The following TMEM218 variants were observed in gnomAD, a reference collection of about 807,000 sequenced individuals.
The protein encoded by TMEM218 is transmembrane protein 218.
In TMEM218, 8 loss-of-function variants were observed where a neutral mutation model predicts 10.0. The observed-to-expected ratio is 0.80, with a 90% CI of 0.47 to 1.44. The LOEUF (loss-of-function observed/expected upper bound fraction) is 1.44, where lower values mean the gene tolerates loss of function less well. Among genes scored for constraint, TMEM218 ranks in the 40% most tolerant of loss-of-function variants. The pLI is 0.00. For missense variants in TMEM218, 110 were observed against 140.1 expected (o/e 0.79, Z 1.08); for synonymous variants, 66 against 63.5 (o/e 1.04, Z -0.18).
chr11:125,101,900 CAG>C (rs933606597), intron 3 of TMEM218: 10 of 536,890 alleles, frequency 1.9e-5, no homozygotes, highest in African/African-American at 3.9e-5. Flanking sequence ...GCAGTGAAAG[CAG>C]AGTTTCTTGC....
chr11:125,107,686 G>T (rs1467002758), intron 1 of TMEM218, among the ~76,000 whole-genome samples: 1 of 152,002 alleles, frequency 6.6e-6, no homozygotes, highest in Non-Finnish European at 1.5e-5. Flanking sequence ...AACAAGACTG[G>T]TCATGAGCTA....
At chr11:125,104,314 T>TG (rs1310196560) in intron 1 of TMEM218, 1 of 152,246 alleles carries the variant, frequency 6.6e-6, no homozygotes, top group African/African-American at 2.4e-5. Flanking sequence ...TCCCCATCTC[T>TG]GGGTCTTTGT....
chr11:125,097,737 C>A lies in TMEM218; in HGVS notation c.217G>T (p.Val73Leu), dbSNP rs1949856916. 1 of 1,613,244 alleles carries A rather than the reference C, an allele frequency of 6.2e-7. No individual in the cohort carries two copies. The highest frequency in any genetic ancestry group is 8.5e-7 in the Non-Finnish European group (1 of 1,179,654). ...FPAPEVEVKI[V>L]DDFFIGRYVL... is the part of the protein sequence containing the mutation. ...TAGCGGCCAATGAAAAAGTCATCCA[C>A]AATCTGGAGAAAGAAAACATCAAAA... The change falls in exon 5 of 5, where the codon GTG becomes TTG. Residue 73 changes from valine to leucine, a missense_variant. Transcript: ENST00000682305.
rs1486100306 is a variant in TMEM218 at position 125,094,429 on chromosome 11, A to G, written c.*3177T>C. Among the ~76,000 whole-genome samples, 3 of 152,240 alleles carry G rather than the reference A, an allele frequency of 2.0e-5. No homozygotes were observed. Among genetic ancestry groups the G allele is most frequent in the South Asian group, 4.1e-4 (2 of 4,832 alleles). On this transcript the variant is annotated 3_prime_UTR_variant, in exon 5 of 5. Transcript: ENST00000682305. ...TTTAATGAAACTTTTACCTTTTTGG[A>G]TATGTGTTAAGAAAATGTCAGGTAC...
At chr11:125,102,506 G>C (rs1951049132) in intron 2 of TMEM218, 189 bp from the exon 3 acceptor site, 1 of 1,452,326 alleles carries the variant, frequency 6.9e-7, no homozygotes, top group Admixed American at 2.5e-5. Context: ...GGACTGAGAG[G>C]GTGTTTTCCG....
At chr11:125,107,549 T>C (rs1018120024) in intron 1 of TMEM218, among the ~76,000 whole-genome samples, 6 of 152,110 alleles carry the variant, frequency 3.9e-5, no homozygotes, top group Non-Finnish European at 7.4e-5. Flanking sequence ...ATGATATTAT[T>C]ATATTGTTAA....
chr11:125,097,064 A>T lies in TMEM218; in HGVS notation c.*542T>A, dbSNP rs1949740089. On this transcript the variant is annotated 3_prime_UTR_variant, in exon 5 of 5. Coordinates refer to ENST00000682305, the MANE Select transcript of TMEM218 (RefSeq NM_001258244.2). ...ATTATTTATTGCTTTATTAGAGCAG[A>T]GGGAAGTGACACTCATTGCCTTCAC... 6.6e-6 allele frequency: 1 copy of T among 152,222 alleles called. No individual in the cohort carries two copies. Among genetic ancestry groups the T allele is most frequent in the Non-Finnish European group, 1.5e-5 (1 of 68,030 alleles). 9.4% of individuals were successfully genotyped at this position (152,222 alleles called of 1,614,324 possible). A position where few individuals can be genotyped will look rare whatever the true frequency, so the allele number is the denominator to read the frequency against.
In TMEM218 at chr11:125,102,646, G is replaced by A. The variant is rs61450147; in HGVS notation, c.-77+88C>T. On this transcript the variant is annotated intron_variant, in intron 2 of 4. Coordinates refer to ENST00000682305, the MANE Select transcript of TMEM218 (RefSeq NM_001258244.2). ...GAATATAAAACCCTACCTAAGAACT[G>A]GTAGAAGACACCAGGGCATGGGAAC... 0.015 allele frequency: 19,605 copies of A among 1,293,692 alleles called. 987 individuals are homozygous for A. The African/African-American group carries it at 0.16, about 10-fold the overall frequency. 80.1% of individuals were successfully genotyped at this position (1,293,692 alleles called of 1,614,324 possible).
chr11:125,101,928 A>G (rs2135768118), intron 3 of TMEM218: 1 of 617,018 alleles, frequency 1.6e-6, no homozygotes, highest in Non-Finnish European at 2.6e-6. Flanking sequence ...TTAGAACTCA[A>G]GAACACTACT....
chr11:125,095,414 A>G lies in TMEM218; in HGVS notation c.*2192T>C, dbSNP rs1286592251. On this transcript the variant is annotated 3_prime_UTR_variant, in exon 5 of 5. Transcript: ENST00000682305. ...CAGGGTACCATAACAGACATTGACT[A>G]TAGGGTTATCCCATGCCAAACTCTC... 6.6e-6 allele frequency among the ~76,000 whole-genome samples: 1 copy of G among 152,232 alleles called. No homozygotes were observed. Among genetic ancestry groups the G allele is most frequent in the East Asian group, 1.9e-4 (1 of 5,196 alleles).
intron 4 of TMEM218, among the ~76,000 whole-genome samples, chr11:125,099,412 C>A (rs551646479): frequency 2.0e-5 from 3 of 152,208 alleles, no homozygotes; most frequent in Non-Finnish European, 4.4e-5. Flanking sequence ...GCTGCAGAGG[C>A]CCGCTCTCAA....
chr11:125,101,136 G>A (rs1255711575), intron 4 of TMEM218, 65 bp downstream of exon 4: 15 of 1,340,500 alleles, frequency 1.1e-5, no homozygotes, highest in Admixed American at 1.8e-5. Flanking sequence ...AGGGCAGGAC[G>A]GATGTGCAGA....
In TMEM218 at chr11:125,094,918, TGAATGAATGGCAGGATTCGA is replaced by T. The variant is rs1455932531; in HGVS notation, c.*2668_*2687del. On this transcript the variant is annotated 3_prime_UTR_variant, in exon 5 of 5. Transcript: ENST00000682305. ...CACCCTACGGGCACACAATATATGC[TGAATGAATGGCAGGATTCGA>T]GAATGAATGGCTATGTACTCCCTAG... Among the ~76,000 whole-genome samples the T allele has an allele frequency of 1.3e-5, 2 of 152,238 alleles. No individual in the cohort carries two copies. The highest frequency in any genetic ancestry group is 2.9e-5 in the Non-Finnish European group (2 of 68,050).
chr11:125,110,950 T>C (rs1953796201), intron 1 of TMEM218, among the ~76,000 whole-genome samples: 1 of 151,992 alleles, frequency 6.6e-6, no homozygotes, highest in South Asian at 2.1e-4. Flanking sequence ...ACCTTTGTAA[T>C]TAGATAAAAT....
At chr11:125,101,132 G>C (rs1174290001) in intron 4 of TMEM218, 69 bp downstream of exon 4, 2 of 1,307,562 alleles carry the variant, frequency 1.5e-6, no homozygotes, top group African/African-American at 1.5e-5. Context: ...ATCAAGGGCA[G>C]GACGGATGTG....
In TMEM218 at chr11:125,097,034, TA is replaced by T. The variant is rs1949735734; in HGVS notation, c.*571del. On this transcript the variant is annotated 3_prime_UTR_variant, in exon 5 of 5. Transcript: ENST00000682305. Reference sequence around the variant, plus strand: ...GAGTTCGAAGTGAAAGTCAGCCCTTTAGCTATTATTTATTGCTTTATTAGAG... The same window carrying T: ...GAGTTCGAAGTGAAAGTCAGCCCTTTGCTATTATTTATTGCTTTATTAGAG... The T allele has an allele frequency of 6.6e-6, 1 of 152,238 alleles. No homozygotes were observed. The highest frequency in any genetic ancestry group is 2.4e-5 in the African/African-American group (1 of 41,474). The allele number at this position is 152,238 out of a possible 1,614,324, so 9.4% of individuals were successfully genotyped here. A position where few individuals can be genotyped will look rare whatever the true frequency, so the allele number is the denominator to read the frequency against.
intron 1 of TMEM218, among the ~76,000 whole-genome samples, chr11:125,109,186 C>CTCAAAAACAATGTTGAGTG (rs11275669): frequency 0.22 from 34,142 of 151,878 alleles, 4,096 homozygotes; most frequent in African/African-American, 0.28. Flanking sequence ...GTGAATATAT[C>CTCAAAAACAATGTTGAGTG]TCAAAAACAA....
chr11:125,094,900 C>T lies in TMEM218; in HGVS notation c.*2706G>A, dbSNP rs1199517131. 1.3e-5 allele frequency among the ~76,000 whole-genome samples: 2 copies of T among 152,170 alleles called. No homozygotes were observed. The highest frequency in any genetic ancestry group is 4.8e-5 in the African/African-American group (2 of 41,454). ...ACCAGGACTAGTGCTTTACACCCTA[C>T]GGGCACACAATATATGCTGAATGAA... On this transcript the variant is annotated 3_prime_UTR_variant, in exon 5 of 5. Transcript: ENST00000682305.
At chr11:125,098,514 T>C (rs1950064532) in intron 4 of TMEM218, among the ~76,000 whole-genome samples, 1 of 152,166 alleles carries the variant, frequency 6.6e-6, no homozygotes, top group African/African-American at 2.4e-5. Context: ...ATTTAATCTA[T>C]AGACCTAATG....
Sources: gnomAD v4.1 joint callset for allele counts (sites outside exome capture counted in the v4.1 genomes callset) on GRCh38, gnomAD v4.1.1 for gene constraint, MANE v1.5 for transcripts, NCBI Gene and HGNC (gene_info 2026-07-23, HGNC 2026-07-21) for gene names.